Variants in FAT4 observed in about 807,000 individuals in gnomAD.
FAT4 encodes the protein protocadherin Fat 4.
Under a neutral mutation model 303.9 loss-of-function variants are expected in FAT4, and 84 were observed. That is an observed-to-expected ratio of 0.28 (90% CI 0.23 to 0.33). The LOEUF is 0.33. Among genes scored for constraint, FAT4 ranks in the 10% least tolerant of loss-of-function variants. The probability of loss-of-function intolerance (pLI) is 1.00; values close to 1 mark genes in which losing one functional copy is unlikely to be tolerated. For synonymous variants in FAT4, 2,307 were observed against 2,298.8 expected, an observed-to-expected ratio of 1.00 and a Z score of -0.10; for missense variants, 6,005 against 6,146.8, an observed-to-expected ratio of 0.98 and a Z score of 0.77.
rs569565267 is a variant in FAT4 at position 125,315,798 on chromosome 4, T to A, written c.-192T>A. On this transcript the variant is annotated 5_prime_UTR_variant, in exon 1 of 18. Coordinates refer to ENST00000394329, the MANE Select transcript of FAT4 (RefSeq NM_001291303.3). ...CCGCCGCCTGGGCCTCAGCGGCCACTGCCGGCGCCCTGTTGGAGGGGCGTT... is the reference window on the plus strand; with the variant it reads ...CCGCCGCCTGGGCCTCAGCGGCCACAGCCGGCGCCCTGTTGGAGGGGCGTT... 6.8e-4 allele frequency among the ~76,000 whole-genome samples: 103 copies of A among 152,280 alleles called. No individual in the cohort carries two copies. The highest frequency in any genetic ancestry group is 3.4e-3 in the Middle Eastern group (1 of 294).
intron 16 of FAT4, among the ~76,000 whole-genome samples, chr4:125,484,086 C>G (rs916450409): frequency 6.6e-6 from 1 of 151,460 alleles, no homozygotes; most frequent in Non-Finnish European, 1.5e-5. Flanking sequence ...CACACACACA[C>G]ACACACACAC....
chr4:125,316,658 A>G lies in FAT4; in HGVS notation c.247A>G (p.Ile83Val), dbSNP rs375241448. The G allele has an allele frequency of 1.7e-5, 28 of 1,613,704 alleles. No individual in the cohort carries two copies. The highest frequency in any genetic ancestry group is 1.8e-5 in the Non-Finnish European group (21 of 1,180,020). The part of the protein sequence containing the change: ...RLSESHALFA[I>V]NSSTGALYTT... ...CAGCGAAAGCCACGCCCTGTTTGCC[A>G]TAAACAGTAGCACCGGAGCCCTGTA... is the stretch of plus-strand genomic sequence containing the variant. Residue 83 changes from isoleucine to valine, a missense_variant, in exon 2 of 18, where the codon ATA becomes GTA. Coordinates refer to ENST00000394329, the MANE Select transcript of FAT4 (RefSeq NM_001291303.3). This position sits in a 1 kb window ranked among gnomAD's most constrained non-coding sequence, Gnocchi z 5.7.
chr4:125,480,069 G>A (rs966600649), intron 15 of FAT4, among the ~76,000 whole-genome samples: 1 of 151,870 alleles, frequency 6.6e-6, no homozygotes, highest in African/African-American at 2.4e-5. Context: ...TTAAAAAATC[G>A]TTTACTAACT....
intron 7 of FAT4, among the ~76,000 whole-genome samples, chr4:125,421,785 G>T (rs1724904202): frequency 6.6e-6 from 1 of 152,108 alleles, no homozygotes; most frequent in Non-Finnish European, 1.5e-5. Flanking sequence ...AAAATTGAAG[G>T]CTGGGATAGA....
intron 2 of FAT4, among the ~76,000 whole-genome samples, chr4:125,355,585 T>A (rs974604672): frequency 6.6e-6 from 1 of 152,002 alleles, no homozygotes; most frequent in African/African-American, 2.4e-5. Context: ...ACACCTATGT[T>A]TGGGGTTTTG....
intron 2 of FAT4, among the ~76,000 whole-genome samples, chr4:125,322,790 C>T (rs940792871): frequency 6.6e-6 from 1 of 151,050 alleles, no homozygotes; most frequent in African/African-American, 2.4e-5. Flanking sequence ...TTATGTCTAT[C>T]TATGGATGGG....
At chr4:125,401,227 T>G (rs1345205650) in intron 3 of FAT4, among the ~76,000 whole-genome samples, 1 of 152,062 alleles carries the variant, frequency 6.6e-6, no homozygotes, top group Non-Finnish European at 1.5e-5. Context: ...GGAACTCACA[T>G]GTCTTTGGTT....
In FAT4 at chr4:125,488,697, G is replaced by A. The variant is rs146177913; in HGVS notation, c.13084+1091G>A. ...ATTAGATTTGGTTTGGGACATTTTG[G>A]ATTTGAAGCATCTTTGAGAAAATCC... On this transcript the variant is annotated intron_variant, in intron 17 of 17. Coordinates refer to ENST00000394329, the MANE Select transcript of FAT4 (RefSeq NM_001291303.3). 3.3e-3 allele frequency among the ~76,000 whole-genome samples: 500 copies of A among 152,298 alleles called. 3 individuals carry two copies. Among genetic ancestry groups the A allele is most frequent in the African/African-American group, 0.011 (477 of 41,564 alleles).
intron 8 of FAT4, among the ~76,000 whole-genome samples, chr4:125,445,332 T>C (rs1399400017): frequency 1.3e-5 from 2 of 152,140 alleles, no homozygotes; most frequent in African/African-American, 4.8e-5. Context: ...CTGGCTGCAA[T>C]ATAGTTTTTT....
chr4:125,336,099 A>G (rs1205734743), intron 2 of FAT4, among the ~76,000 whole-genome samples: 1 of 152,154 alleles, frequency 6.6e-6, no homozygotes, highest in Non-Finnish European at 1.5e-5. Context: ...AAGGGAAATC[A>G]AGACCAATCT....
intron 7 of FAT4, among the ~76,000 whole-genome samples, chr4:125,421,393 T>C (rs1724883215): frequency 6.6e-6 from 1 of 152,240 alleles, no homozygotes; most frequent in South Asian, 2.1e-4. Context: ...AAAATTTGCT[T>C]GTTTTAAATT....
At chr4:125,410,552 C>T (rs1212712079) in intron 5 of FAT4, among the ~76,000 whole-genome samples, 1 of 152,106 alleles carries the variant, frequency 6.6e-6, no homozygotes, top group East Asian at 1.9e-4. Flanking sequence ...TGTCCTGTGA[C>T]TGTGCTCAAC....
rs4349616 is a variant in FAT4, at chr4:125,389,376, G to T, written c.5176-9408G>T. Among the ~76,000 whole-genome samples, 324 of 151,856 alleles carry T rather than the reference G, an allele frequency of 2.1e-3. 2 individuals are homozygous for T. Among genetic ancestry groups the T allele is most frequent in the Non-Finnish European group, 2.9e-3 (194 of 67,902 alleles). Reference sequence around the variant, plus strand: ...ACTAAAGTGTTTCCTGTGAAATAACGTAATAAAATGGCCTTTAGTATGCAT... The same window carrying T: ...ACTAAAGTGTTTCCTGTGAAATAACTTAATAAAATGGCCTTTAGTATGCAT... On this transcript the variant is annotated intron_variant, in intron 2 of 17. Transcript: ENST00000394329.
At chr4:125,390,954 T>C (rs1733953387) in intron 2 of FAT4, among the ~76,000 whole-genome samples, 2 of 151,940 alleles carry the variant, frequency 1.3e-5, no homozygotes, top group Non-Finnish European at 2.9e-5. Flanking sequence ...GAGATGCAAA[T>C]CAAAACCACA....
At chr4:125,470,621 T>C (rs747743924) in intron 12 of FAT4, among the ~76,000 whole-genome samples, 17 of 152,320 alleles carry the variant, frequency 1.1e-4, no homozygotes, top group African/African-American at 3.1e-4. Flanking sequence ...CAACCTCTGC[T>C]ACATTCCAAC....
intron 8 of FAT4, among the ~76,000 whole-genome samples, chr4:125,442,664 G>A (rs570481828): frequency 1.3e-5 from 2 of 152,138 alleles, no homozygotes; most frequent in East Asian, 3.9e-4. Flanking sequence ...TGAATTTTGT[G>A]TTCAGACTTG....
In FAT4 at chr4:125,415,410, T is replaced by C. The variant is rs751585112; in HGVS notation, c.6447T>C (p.Asp2149=). The C allele has an allele frequency of 6.2e-7, 1 of 1,614,078 alleles. No homozygotes were observed. The highest frequency in any genetic ancestry group is 8.5e-7 in the Non-Finnish European group (1 of 1,179,986). Residue 2149 remains aspartate, a synonymous_variant, in exon 6 of 18, where the codon GAT becomes GAC. Transcript: ENST00000394329. The part of the protein sequence containing the change: ...EVVVMVLDIN[D]NNPIFAQALY... ...TAGTTATGGTACTTGACATCAATGATAACAACCCCATCTTTGCACAAGCTT... is the reference window on the plus strand; with the variant it reads ...TAGTTATGGTACTTGACATCAATGACAACAACCCCATCTTTGCACAAGCTT...
At chr4:125,484,052 GACACACAT>G (rs1381578308) in intron 16 of FAT4, among the ~76,000 whole-genome samples, 52 of 83,308 alleles carry the variant, frequency 6.2e-4, no homozygotes, top group African/African-American at 2.3e-3. Flanking sequence ...TCTCTCTACA[GACACACAT>G]ACACACACAC....
At chr4:125,322,038 A>T (rs777889168) in intron 2 of FAT4, among the ~76,000 whole-genome samples, 3 of 152,102 alleles carry the variant, frequency 2.0e-5, no homozygotes, top group Non-Finnish European at 4.4e-5. Context: ...GCCATGGAGG[A>T]TGGGCTGACA....
Sources: allele counts gnomAD v4.1 joint callset (sites outside exome capture counted in the v4.1 genomes callset), GRCh38; gene constraint gnomAD v4.1.1; non-coding constraint Gnocchi (gnomAD v3.1); transcripts MANE v1.5; gene names NCBI Gene and HGNC (gene_info 2026-07-23, HGNC 2026-07-21).